Variants in PREP observed in about 807,000 individuals in gnomAD.
PREP encodes dJ355L5.1 (prolyl endopeptidase).
PREP carries 29 observed loss-of-function variants against 87.6 expected under a neutral mutation model. The ratio of observed to expected loss-of-function variants is 0.33; its 90% CI spans 0.25 to 0.45. The LOEUF is 0.45. Ranked by LOEUF, PREP falls within the 20% of genes least tolerant of loss-of-function variation. The pLI is 1.00. For missense variants in PREP, 695 were observed against 886.5 expected (o/e 0.78, Z 2.74); for synonymous variants, 337 against 328.6 (o/e 1.03, Z -0.28).
intron 9 of PREP, among the ~76,000 whole-genome samples, chr6:105,327,588 A>C (rs1771200284): frequency 6.6e-6 from 1 of 152,228 alleles, no homozygotes; most frequent in Admixed American, 6.5e-5. Context: ...GAGGCTCAAA[A>C]TAACAGTGAT....
At chr6:105,304,481 C>T (rs1350126497) in intron 10 of PREP, among the ~76,000 whole-genome samples, 2 of 152,168 alleles carry the variant, frequency 1.3e-5, no homozygotes, top group African/African-American at 4.8e-5. Context: ...TTTCTGGCTC[C>T]ATACTGTATG....
chr6:105,385,695 G>C, intron 2 of PREP, among the ~76,000 whole-genome samples: 1 of 152,184 alleles, frequency 6.6e-6, no homozygotes, highest in East Asian at 1.9e-4. Context: ...GTGCAATGGT[G>C]AGCATTTATT....
chr6:105,279,375 T>TC (rs1770021620), intron 14 of PREP, among the ~76,000 whole-genome samples: 1 of 152,178 alleles, frequency 6.6e-6, no homozygotes, highest in South Asian at 2.1e-4. Flanking sequence ...TCTGATCTCA[T>TC]TTAAGAGTGT....
chr6:105,403,010 AG>A lies in PREP; in HGVS notation c.-120del, dbSNP rs1773477061. ...AGGCAGCTGCGGGGCGGCCGGCGGC[AG>A]CGGGCGGCCGGCTCACGGCCAGAGC... On this transcript the variant is annotated 5_prime_UTR_variant, in exon 1 of 15. Coordinates refer to ENST00000652536, the MANE Select transcript of PREP (RefSeq NM_002726.5). 5.2e-6 allele frequency: 2 copies of A among 385,034 alleles called. No individual in the cohort carries two copies. The highest frequency in any genetic ancestry group is 8.5e-6 in the Non-Finnish European group (2 of 234,262). 23.9% of individuals were successfully genotyped at this position (385,034 alleles called of 1,614,324 possible). A position where few individuals can be genotyped will look rare whatever the true frequency, so the allele number is the denominator to read the frequency against.
At chr6:105,316,037 C>A (rs751149123) in intron 10 of PREP, among the ~76,000 whole-genome samples, 3 of 152,136 alleles carry the variant, frequency 2.0e-5, no homozygotes, top group Admixed American at 6.5e-5. Flanking sequence ...TTCATGTGTT[C>A]ACTGGCATAG....
At position 105,402,878 on chromosome 6, in the gene PREP, T is replaced by C. The variant is rs1353830038; in HGVS notation, c.14A>G (p.Gln5Arg). Reference protein sequence around the residue: MLSLQYPDVYRDETA... With the variant: MLSLRYPDVYRDETA... ...CTCGTCGCGGTACACGTCGGGGTAC[T>C]GAAGGGACAGCATGGCCGGGGACAG... is the stretch of plus-strand genomic sequence containing the variant. The change falls in exon 1 of 15, where the codon CAG becomes CGG. Residue 5 changes from glutamine to arginine, a missense_variant. By Grantham distance (43) the Gln-to-Arg change is conservative. Transcript: ENST00000652536. 1 of 1,538,504 alleles carries C rather than the reference T, an allele frequency of 6.5e-7. No individual in the cohort carries two copies. The highest frequency in any genetic ancestry group is 2.0e-5 in the Admixed American group (1 of 50,678).
intron 9 of PREP, among the ~76,000 whole-genome samples, chr6:105,326,441 C>G (rs942390092): frequency 5.3e-5 from 8 of 152,164 alleles, no homozygotes; most frequent in Non-Finnish European, 2.9e-5. Flanking sequence ...GGCTTGGGCT[C>G]AAGATGTGTT....
chr6:105,333,035 C>T (rs929603749), intron 8 of PREP, among the ~76,000 whole-genome samples: 1 of 152,182 alleles, frequency 6.6e-6, no homozygotes, highest in Non-Finnish European at 1.5e-5. Flanking sequence ...TATACAAAGA[C>T]AACTGATATA....
chr6:105,379,390 C>T (rs533478741), intron 2 of PREP, among the ~76,000 whole-genome samples: 2 of 152,308 alleles, frequency 1.3e-5, no homozygotes, highest in South Asian at 4.1e-4. Flanking sequence ...TTGGATTTTG[C>T]TTTTTAGTTA....
chr6:105,330,463 T>C (rs1031444199), intron 8 of PREP, among the ~76,000 whole-genome samples: 1 of 152,120 alleles, frequency 6.6e-6, no homozygotes, highest in Non-Finnish European at 1.5e-5. Flanking sequence ...GGGCTGCAAC[T>C]TTCAGTGACA....
chr6:105,290,645 A>G (rs369858936), intron 10 of PREP, among the ~76,000 whole-genome samples: 5 of 151,950 alleles, frequency 3.3e-5, no homozygotes, highest in African/African-American at 9.6e-5. Flanking sequence ...TCCTCCTCCC[A>G]TATCACTTTT....
intron 10 of PREP, among the ~76,000 whole-genome samples, chr6:105,291,409 G>A (rs1410880237): frequency 1.3e-5 from 2 of 152,190 alleles, no homozygotes; most frequent in Non-Finnish European, 2.9e-5. Context: ...TCCTGGGTGT[G>A]TCTCTGTGGG....
chr6:105,330,424 A>G (rs1263487504), intron 8 of PREP, among the ~76,000 whole-genome samples: 1 of 152,178 alleles, frequency 6.6e-6, no homozygotes, highest in African/African-American at 2.4e-5. Context: ...TATGGAGAGT[A>G]AGGTAGAGAA....
At chr6:105,287,755 T>C (rs1770216946) in intron 11 of PREP, among the ~76,000 whole-genome samples, 1 of 152,230 alleles carries the variant, frequency 6.6e-6, no homozygotes, top group Non-Finnish European at 1.5e-5. Context: ...GGGTTCTATT[T>C]AGAAGTTGGC....
intron 1 of PREP, among the ~76,000 whole-genome samples, chr6:105,398,136 TAG>T (rs943234102): frequency 6.6e-6 from 1 of 152,142 alleles, no homozygotes; most frequent in African/African-American, 2.4e-5. Flanking sequence ...ATGTTTCAGC[TAG>T]AGAGGAAAGA....
intron 10 of PREP, among the ~76,000 whole-genome samples, chr6:105,317,954 G>GT (rs753367120): frequency 1.8e-4 from 27 of 152,160 alleles, no homozygotes; most frequent in Non-Finnish European, 3.2e-4. Context: ...AACAATTACA[G>GT]TATCTGAAAA....
chr6:105,294,588 C>T (rs564130835), intron 10 of PREP, among the ~76,000 whole-genome samples: 1 of 152,280 alleles, frequency 6.6e-6, no homozygotes, highest in African/African-American at 2.4e-5. Context: ...TATTATGTGC[C>T]AGGGACTGCA....
intron 6 of PREP, among the ~76,000 whole-genome samples, chr6:105,358,160 A>T (rs1340879276): frequency 1.3e-5 from 2 of 152,160 alleles, no homozygotes; most frequent in Non-Finnish European, 2.9e-5. Flanking sequence ...ACTTAACTTC[A>T]TAAAAATCTA....
chr6:105,368,825 C>T (rs1772461802), intron 6 of PREP, 78 bp downstream of exon 6: 1 of 1,533,288 alleles, frequency 6.5e-7, no homozygotes, highest in Admixed American at 1.7e-5. Flanking sequence ...CCATAAAGGT[C>T]ACCACATAAT....
Sources: allele counts gnomAD v4.1 joint callset (sites outside exome capture counted in the v4.1 genomes callset), GRCh38; gene constraint gnomAD v4.1.1; transcripts MANE v1.5; gene names NCBI Gene and HGNC (gene_info 2026-07-23, HGNC 2026-07-21).